The following PRKN variants were observed in gnomAD, a reference collection of about 807,000 sequenced individuals.
PRKN encodes the protein E3 ubiquitin-protein ligase parkin.
In PRKN, 56 loss-of-function variants were observed where a neutral mutation model predicts 59.5. That is an observed-to-expected ratio of 0.94 (90% CI 0.76 to 1.18). The LOEUF is 1.18. PRKN is among the 50% of genes most tolerant of loss of function. PRKN has a pLI of 0.00. For synonymous variants in PRKN, 250 were observed against 222.1 expected (o/e 1.13, Z -1.12); for missense variants, 657 against 596.4 (o/e 1.10, Z -1.06).
intron 6 of PRKN, among the ~76,000 whole-genome samples, chr6:161,818,238 G>A (rs1422325339): frequency 6.6e-6 from 1 of 152,108 alleles, no homozygotes; most frequent in East Asian, 1.9e-4. Context: ...TTTGGTAGAG[G>A]GGCAGGTCCT....
At chr6:161,916,047 C>T (rs1281396206) in intron 6 of PRKN, among the ~76,000 whole-genome samples, 2 of 152,020 alleles carry the variant, frequency 1.3e-5, no homozygotes, top group Non-Finnish European at 2.9e-5. Context: ...AAAGCATTAT[C>T]CCTAATTAAT....
intron 6 of PRKN, among the ~76,000 whole-genome samples, chr6:161,930,712 T>G (rs1210950941): frequency 6.6e-6 from 1 of 152,218 alleles, no homozygotes; most frequent in Non-Finnish European, 1.5e-5. Flanking sequence ...ATCAAAGTTG[T>G]AGATAATAAT....
intron 7 of PRKN, among the ~76,000 whole-genome samples, chr6:161,598,464 T>A (rs573220091): frequency 6.6e-6 from 1 of 152,338 alleles, no homozygotes; most frequent in Admixed American, 6.5e-5. Flanking sequence ...ACGGGCTTGG[T>A]CACATTAAGC....
chr6:162,590,838 T>C (rs1248038553), intron 1 of PRKN, among the ~76,000 whole-genome samples: 4 of 152,108 alleles, frequency 2.6e-5, no homozygotes, highest in East Asian at 1.9e-4. Context: ...TAGGAGCACA[T>C]ACTCTGGGCA....
intron 9 of PRKN, among the ~76,000 whole-genome samples, chr6:161,523,674 A>G (rs1778918538): frequency 6.6e-6 from 1 of 152,234 alleles, no homozygotes; most frequent in African/African-American, 2.4e-5. Context: ...ATGATGAAAA[A>G]GGTCTTTCCC....
At chr6:161,736,172 C>T (rs75357253) in intron 7 of PRKN, among the ~76,000 whole-genome samples, 1 of 152,142 alleles carries the variant, frequency 6.6e-6, no homozygotes, top group Non-Finnish European at 1.5e-5. Flanking sequence ...TACAAAACAC[C>T]ACCTGTCAAA....
intron 2 of PRKN, among the ~76,000 whole-genome samples, chr6:162,384,260 A>G (rs924868377): frequency 2.6e-5 from 4 of 152,124 alleles, no homozygotes; most frequent in African/African-American, 9.7e-5. Context: ...CTAGCTTTTG[A>G]TTTAAAGTGA....
Position 162,443,314 on chromosome 6 carries a change from A to G in PRKN, c.167T>C (p.Val56Ala). 1 of 1,612,354 alleles carries G rather than the reference A, an allele frequency of 6.2e-7. No homozygotes were observed. The highest frequency in any genetic ancestry group is 8.5e-7 in the Non-Finnish European group (1 of 1,180,010). Reference protein sequence around the residue: ...AGKELRNDWTVQNCDLDQQSI... With the variant: ...AGKELRNDWTAQNCDLDQQSI... ...CGGCCGCCAAGGGAGACTCACCTGC[A>G]CAGTCCAGTCATTCCTCAGCTCCTT... is the stretch of plus-strand genomic sequence containing the variant. Residue 56 changes from valine (V) to alanine (A), a missense_variant, in exon 2 of 12, where the codon GTG (valine) becomes GCG (alanine). By Grantham distance (64) the Val-to-Ala change is moderately conservative. Transcript: ENST00000366898.
chr6:161,986,159 T>G (rs1345970472), intron 5 of PRKN, among the ~76,000 whole-genome samples: 9 of 152,182 alleles, frequency 5.9e-5, no homozygotes, highest in Admixed American at 5.9e-4. Flanking sequence ...CCTAGAAATC[T>G]CTGCATAAAC....
At chr6:162,071,834 T>C (rs1270611621) in intron 4 of PRKN, among the ~76,000 whole-genome samples, 9 of 152,044 alleles carry the variant, frequency 5.9e-5, no homozygotes, top group Non-Finnish European at 1.0e-4. Flanking sequence ...TGACTTCAAG[T>C]GATCCACCTA....
In PRKN at chr6:162,075,046, GATTATCTTC is replaced by G. The variant is rs147858885; in HGVS notation, c.535-20881_535-20873del. ...CGGATTTAATTTAGGAGAACCATAT[GATTATCTTC>G]GTCTGTTCAAGCTTCCTTTACTAAA... On this transcript the variant is annotated intron_variant, in intron 4 of 11. Transcript: ENST00000366898. 7.8e-3 allele frequency among the ~76,000 whole-genome samples: 1,181 copies of G among 152,272 alleles called. 17 individuals are homozygous for G. The highest frequency in any genetic ancestry group is 0.027 in the African/African-American group (1,142 of 41,548).
intron 7 of PRKN, among the ~76,000 whole-genome samples, chr6:161,779,424 C>CTTTTTTTT (rs1790096656): frequency 1.6e-5 from 1 of 63,108 alleles, no homozygotes; most frequent in Non-Finnish European, 3.5e-5. Flanking sequence ...TTTTTTTTCT[C>CTTTTTTTT]TTTTTCTTTT....
intron 1 of PRKN, among the ~76,000 whole-genome samples, chr6:162,575,200 C>T (rs187464335): frequency 1.3e-3 from 198 of 152,302 alleles, no homozygotes; most frequent in South Asian, 0.011. Flanking sequence ...CATCTATCTT[C>T]ATCTTCTGTC....
intron 7 of PRKN, among the ~76,000 whole-genome samples, chr6:161,612,451 T>TG (rs1031581288): frequency 6.6e-6 from 1 of 152,140 alleles, no homozygotes; most frequent in Admixed American, 6.5e-5. Flanking sequence ...CCAGGCGCGG[T>TG]GGCTCACACC....
chr6:161,771,183 T>C (rs1583138727), intron 7 of PRKN, among the ~76,000 whole-genome samples: 1 of 151,540 alleles, frequency 6.6e-6, no homozygotes, highest in Non-Finnish European at 1.5e-5. Flanking sequence ...GGTGAAACCC[T>C]GTCTCTACTA....
intron 6 of PRKN, among the ~76,000 whole-genome samples, chr6:161,815,241 T>C (rs1791726389): frequency 6.6e-6 from 1 of 152,198 alleles, no homozygotes; most frequent in African/African-American, 2.4e-5. Context: ...ATGTATAAAA[T>C]GAATAATGCT....
At chr6:161,650,452 G>A (rs570222868) in intron 7 of PRKN, among the ~76,000 whole-genome samples, 12 of 152,158 alleles carry the variant, frequency 7.9e-5, no homozygotes, top group African/African-American at 2.9e-4. Context: ...GCACTACAAC[G>A]AACATATGTA....
chr6:161,962,837 T>A (rs768421767), intron 6 of PRKN, among the ~76,000 whole-genome samples: 4 of 151,110 alleles, frequency 2.6e-5, no homozygotes, highest in Non-Finnish European at 5.9e-5. Flanking sequence ...ACCCGGCCGC[T>A]CCATCTTTCT....
At chr6:162,597,666 C>T (rs528270588) in intron 1 of PRKN, among the ~76,000 whole-genome samples, 4 of 152,156 alleles carry the variant, frequency 2.6e-5, no homozygotes, top group Non-Finnish European at 5.9e-5. Flanking sequence ...TTCTTACTCC[C>T]AACAGACATA....
Sources: gnomAD v4.1 joint callset for allele counts (sites outside exome capture counted in the v4.1 genomes callset) on GRCh38, gnomAD v4.1.1 for gene constraint, MANE v1.5 for transcripts, NCBI Gene and HGNC (gene_info 2026-07-23, HGNC 2026-07-21) for gene names.